RASGEF1C: variants seen among roughly 807,000 people sequenced by gnomAD.
The protein encoded by RASGEF1C is RasGEF domain family member 1C.
A neutral mutation model predicts 58.1 loss-of-function variants in RASGEF1C; 27 were observed. The ratio of observed to expected loss-of-function variants is 0.46; its 90% CI spans 0.34 to 0.64. RASGEF1C has a LOEUF of 0.64. Ranked by LOEUF, RASGEF1C falls within the 30% of genes least tolerant of loss-of-function variation. RASGEF1C has a pLI of 0.01. For missense variants in RASGEF1C, 502 were observed against 605.1 expected (o/e 0.83, Z 1.79); for synonymous variants, 243 against 246.3 (o/e 0.99, Z 0.13).
intron 1 of RASGEF1C, among the ~76,000 whole-genome samples, chr5:180,165,582 A>G (rs1481323100): frequency 2.0e-5 from 3 of 151,204 alleles, no homozygotes; most frequent in Non-Finnish European, 4.4e-5. Flanking sequence ...GAGGCAGGAG[A>G]ATCACTTGAA....
At chr5:180,154,344 G>A (rs539877735) in intron 1 of RASGEF1C, among the ~76,000 whole-genome samples, 1 of 152,198 alleles carries the variant, frequency 6.6e-6, no homozygotes, top group South Asian at 2.1e-4. Flanking sequence ...CCTGGGTGAG[G>A]CACCTGCTCC....
intron 1 of RASGEF1C, among the ~76,000 whole-genome samples, chr5:180,182,135 G>A (rs1410600001): frequency 6.8e-6 from 1 of 147,672 alleles, no homozygotes; most frequent in African/African-American, 2.5e-5. Flanking sequence ...AACCCGGGAG[G>A]TGGAGCTTGC....
intron 1 of RASGEF1C, among the ~76,000 whole-genome samples, chr5:180,176,016 C>T (rs1160197184): frequency 6.6e-6 from 1 of 152,154 alleles, no homozygotes; most frequent in Non-Finnish European, 1.5e-5. Context: ...TTCAAAGAAA[C>T]ACATAATAAT....
chr5:180,118,492 G>C (rs1363652807), intron 10 of RASGEF1C, 117 bp downstream of exon 10: 1 of 953,448 alleles, frequency 1.0e-6, no homozygotes, highest in Non-Finnish European at 1.6e-6. Context: ...CGCAAGCAAG[G>C]AGACCTGGCT....
rs1422344683 is a variant in RASGEF1C at position 180,156,759 on chromosome 5, T to G, written c.-6-18701A>C. On this transcript the variant is annotated intron_variant, in intron 1 of 13. Transcript: ENST00000361132. This position sits in a 1 kb window ranked among gnomAD's most constrained non-coding sequence, Gnocchi z 4.9. ...TGCACTCCAGCCTGGGCAACCAGAG[T>G]GAGACCCTGTCTCAAAAAAAAGTAA... is the stretch of plus-strand genomic sequence containing the variant. Among the ~76,000 whole-genome samples, 2 of 151,912 alleles carry G rather than the reference T, an allele frequency of 1.3e-5. No homozygotes were observed. Among genetic ancestry groups the G allele is most frequent in the African/African-American group, 4.8e-5 (2 of 41,322 alleles).
At chr5:180,104,887 T>C (rs1234032819) in intron 12 of RASGEF1C, among the ~76,000 whole-genome samples, 2 of 152,236 alleles carry the variant, frequency 1.3e-5, no homozygotes, top group East Asian at 3.8e-4. Flanking sequence ...ATTCCCTTAT[T>C]ATCTTTTCAA....
At chr5:180,125,393 C>T (rs2113262103) in intron 6 of RASGEF1C, among the ~76,000 whole-genome samples, 1 of 152,326 alleles carries the variant, frequency 6.6e-6, no homozygotes, top group Admixed American at 6.5e-5. Context: ...ATTGGGACAA[C>T]ACGTTAAAAG....
chr5:180,197,977 C>T lies in RASGEF1C; in HGVS notation c.-7+11051G>A, dbSNP rs556378946. ...CCCAATTAGGATGCTGGTGTGGGTCCGGAAGGCATTGAACTGGCAACAGCG... is the reference window on the plus strand; with the variant it reads ...CCCAATTAGGATGCTGGTGTGGGTCTGGAAGGCATTGAACTGGCAACAGCG... On this transcript the variant is annotated intron_variant, in intron 1 of 13. Coordinates refer to ENST00000361132, the MANE Select transcript of RASGEF1C (RefSeq NM_175062.4). This position sits in a 1 kb window ranked among gnomAD's most constrained non-coding sequence, Gnocchi z 4.7. Among the ~76,000 whole-genome samples, 5 of 152,260 alleles carry T rather than the reference C, an allele frequency of 3.3e-5. No homozygotes were observed. Among genetic ancestry groups the T allele is most frequent in the South Asian group, 4.1e-4 (2 of 4,820 alleles).
At chr5:180,105,454 C>T (rs1056581558) in intron 12 of RASGEF1C, among the ~76,000 whole-genome samples, 5 of 151,118 alleles carry the variant, frequency 3.3e-5, no homozygotes, top group East Asian at 1.9e-4. Flanking sequence ...CCCAGCTACT[C>T]GGGAGGCTGA....
intron 1 of RASGEF1C, among the ~76,000 whole-genome samples, chr5:180,159,179 G>C (rs529101176): frequency 2.1e-5 from 3 of 145,678 alleles, no homozygotes; most frequent in African/African-American, 7.7e-5. Flanking sequence ...TCACTCTGTT[G>C]CCCAGGCTGG....
chr5:180,101,888 G>A (rs1402171438), intron 13 of RASGEF1C, among the ~76,000 whole-genome samples, 183 bp downstream of exon 13: 1 of 152,192 alleles, frequency 6.6e-6, no homozygotes, highest in Non-Finnish European at 1.5e-5. Context: ...CCCTATGACT[G>A]TGGCTTGATC....
chr5:180,201,138 G>T (rs1272192957), intron 1 of RASGEF1C, among the ~76,000 whole-genome samples: 1 of 152,106 alleles, frequency 6.6e-6, no homozygotes, highest in Non-Finnish European at 1.5e-5. Flanking sequence ...CCTACATGGG[G>T]AAACAGAGCA....
chr5:180,128,112 T>TG (rs1766294438), intron 5 of RASGEF1C, among the ~76,000 whole-genome samples: 1 of 152,222 alleles, frequency 6.6e-6, no homozygotes, highest in South Asian at 2.1e-4. Flanking sequence ...GTACAGGGCC[T>TG]GCCTGGCCAG....
At chr5:180,138,460 C>T (rs1766524651) in intron 1 of RASGEF1C, 1 of 162,198 alleles carries the variant, frequency 6.2e-6, no homozygotes, top group African/African-American at 2.4e-5. Context: ...ATTAGGGGGG[C>T]TCAGCTGCAA....
intron 4 of RASGEF1C, among the ~76,000 whole-genome samples, chr5:180,132,594 G>A (rs908353949): frequency 6.6e-6 from 1 of 152,192 alleles, no homozygotes; most frequent in Non-Finnish European, 1.5e-5. Context: ...TGTCCTCTAT[G>A]TCAGCTTTCT....
At chr5:180,111,081 C>T (rs1026392485) in intron 12 of RASGEF1C, among the ~76,000 whole-genome samples, 8 of 152,092 alleles carry the variant, frequency 5.3e-5, no homozygotes, top group South Asian at 2.1e-4. Flanking sequence ...CCCAAAGTGC[C>T]GGGATTATAG....
chr5:180,106,155 G>A (rs570725229), intron 12 of RASGEF1C, among the ~76,000 whole-genome samples: 36 of 152,312 alleles, frequency 2.4e-4, no homozygotes, highest in Admixed American at 7.8e-4. Context: ...AGATAAGGGG[G>A]GACTACTGTA....
rs869186264 is a variant in RASGEF1C at position 180,190,489 on chromosome 5, CA to C, written c.-7+18538del. Among the ~76,000 whole-genome samples, 78 of 77,592 alleles carry C rather than the reference CA, an allele frequency of 1.0e-3. 1 individual carries two copies. The highest frequency in any genetic ancestry group is 2.7e-3 in the African/African-American group (59 of 21,790). 50.9% of individuals were successfully genotyped at this position (77,592 alleles called of 152,430 possible). On this transcript the variant is annotated intron_variant, in intron 1 of 13. Coordinates refer to ENST00000361132, the MANE Select transcript of RASGEF1C (RefSeq NM_175062.4). ...TGGGTGACAGAGTGAGACTCCGTCT[CA>C]AAAAAAAAAAAAAAAAAATAATAAT...
At chr5:180,140,387 G>T (rs1050366906) in intron 1 of RASGEF1C, among the ~76,000 whole-genome samples, 2 of 152,204 alleles carry the variant, frequency 1.3e-5, no homozygotes, top group African/African-American at 4.8e-5. Flanking sequence ...TGTATGCATG[G>T]GGTGACTCCT....
Sources: gnomAD v4.1 joint callset for allele counts (sites outside exome capture counted in the v4.1 genomes callset) on GRCh38, gnomAD v4.1.1 for gene constraint, Gnocchi (gnomAD v3.1) non-coding constraint, MANE v1.5 for transcripts, NCBI Gene and HGNC (gene_info 2026-07-23, HGNC 2026-07-21) for gene names.